Variants in GOLPH3 observed in about 807,000 individuals in gnomAD.
The protein encoded by GOLPH3 is coat protein GPP34.
GOLPH3 carries 14 observed loss-of-function variants against 28.5 expected under a neutral mutation model. That is an observed-to-expected ratio of 0.49 (90% CI 0.32 to 0.77). The LOEUF is 0.77. Ranked by LOEUF, GOLPH3 falls within the 30% of genes least tolerant of loss-of-function variation. GOLPH3 has a pLI of 0.03. For missense variants in GOLPH3, 350 were observed against 393.7 expected (o/e 0.89, Z 0.94); for synonymous variants, 158 against 159.2 (o/e 0.99, Z 0.06).
chr5:32,142,838 C>CT (rs1285395594), intron 2 of GOLPH3, among the ~76,000 whole-genome samples: 1 of 139,446 alleles, frequency 7.2e-6, no homozygotes, highest in East Asian at 2.9e-4. Flanking sequence ...GGGGGGTCAG[C>CT]CCCCCGCCCG....
intron 1 of GOLPH3, among the ~76,000 whole-genome samples, chr5:32,152,029 A>G (rs1263573444): frequency 6.6e-6 from 1 of 152,216 alleles, no homozygotes; most frequent in Non-Finnish European, 1.5e-5. Flanking sequence ...GGAGAGGGAT[A>G]GTGGTGATGA....
At chr5:32,138,263 T>G (rs1177327966) in intron 2 of GOLPH3, among the ~76,000 whole-genome samples, 1 of 152,174 alleles carries the variant, frequency 6.6e-6, no homozygotes, top group Non-Finnish European at 1.5e-5. Context: ...AAAGTGTCCT[T>G]TACTTTGTCA....
intron 1 of GOLPH3, among the ~76,000 whole-genome samples, chr5:32,156,776 G>C (rs1238394583): frequency 6.6e-6 from 1 of 152,204 alleles, no homozygotes; most frequent in East Asian, 1.9e-4. Flanking sequence ...CTGCTGATCT[G>C]ACAGGAGGCG....
intron 3 of GOLPH3, 82 bp downstream of exon 3, chr5:32,135,490 T>C: frequency 1.2e-6 from 1 of 819,184 alleles, no homozygotes; most frequent in South Asian, 1.6e-5. Flanking sequence ...CTGGCTATTT[T>C]GTGTAGGTTC....
At chr5:32,131,673 T>G (rs1321145438) in intron 3 of GOLPH3, among the ~76,000 whole-genome samples, 1 of 152,226 alleles carries the variant, frequency 6.6e-6, no homozygotes, top group Non-Finnish European at 1.5e-5. Context: ...TATTCATAGT[T>G]TACTTTTTTT....
At position 32,136,948 on chromosome 5, in the gene GOLPH3, G is replaced by A. The variant is rs570407457; in HGVS notation, c.358-1262C>T. 9.5e-4 allele frequency among the ~76,000 whole-genome samples: 144 copies of A among 152,118 alleles called. 1 individual carries two copies. Among genetic ancestry groups the A allele is most frequent in the South Asian group, 5.6e-3 (27 of 4,816 alleles). ...CTAACAAATTATAGAGGTAAGAAAG[G>A]TTTCTTGGTTTCTTTTTTTTCTTTT... is the stretch of plus-strand genomic sequence containing the variant. On this transcript the variant is annotated intron_variant, in intron 2 of 3. Transcript: ENST00000265070.
intron 1 of GOLPH3, among the ~76,000 whole-genome samples, chr5:32,160,869 C>G (rs1746555416): frequency 6.6e-6 from 1 of 151,686 alleles, no homozygotes; most frequent in Admixed American, 6.6e-5. Flanking sequence ...AGATCGAGAC[C>G]ATCCTGGCTA....
At chr5:32,164,898 TTC>T (rs1453832764) in intron 1 of GOLPH3, among the ~76,000 whole-genome samples, 30 of 140,278 alleles carry the variant, frequency 2.1e-4, no homozygotes, top group Admixed American at 6.9e-4. Flanking sequence ...AAATTATGTA[TTC>T]TTTTTTTTTT....
rs13181965 is a variant in GOLPH3, at chr5:32,125,736, G to T, written c.*476C>A. On this transcript the variant is annotated 3_prime_UTR_variant, in exon 4 of 4. Transcript: ENST00000265070. The stretch of plus-strand genomic sequence containing the variant: ...TTCAATTTAAAAATAATTTTGCTAA[G>T]TATACATCTCAACTGAAGTCTATGT... 3,877 of 153,902 alleles carry T rather than the reference G, an allele frequency of 0.025. 33 individuals are homozygous for T. Among genetic ancestry groups the T allele is most frequent in the Non-Finnish European group, 0.038 (2,608 of 68,846 alleles). 9.5% of individuals were successfully genotyped at this position (153,902 alleles called of 1,614,324 possible).
At chr5:32,151,475 A>T (rs1025980117) in intron 1 of GOLPH3, among the ~76,000 whole-genome samples, 3 of 152,176 alleles carry the variant, frequency 2.0e-5, no homozygotes, top group Non-Finnish European at 2.9e-5. Flanking sequence ...GCACTTACGC[A>T]CTCTAACCGG....
intron 1 of GOLPH3, among the ~76,000 whole-genome samples, chr5:32,164,174 T>C (rs758857737): frequency 6.6e-6 from 1 of 152,186 alleles, no homozygotes; most frequent in Non-Finnish European, 1.5e-5. Context: ...AAAATTCCTA[T>C]CAGAGAAAAA....
At chr5:32,127,291 T>A (rs1246078347) in intron 3 of GOLPH3, among the ~76,000 whole-genome samples, 1 of 152,238 alleles carries the variant, frequency 6.6e-6, no homozygotes, top group Admixed American at 6.5e-5. Flanking sequence ...TAATCTTACT[T>A]ATCTTTGGGA....
At chr5:32,129,115 G>A (rs1745766643) in intron 3 of GOLPH3, among the ~76,000 whole-genome samples, 1 of 152,172 alleles carries the variant, frequency 6.6e-6, no homozygotes, top group Non-Finnish European at 1.5e-5. Context: ...CCGGGAGGCG[G>A]AGGTTGCAGT....
intron 1 of GOLPH3, among the ~76,000 whole-genome samples, chr5:32,165,107 C>T (rs1426442467): frequency 3.3e-5 from 5 of 151,552 alleles, no homozygotes; most frequent in Non-Finnish European, 7.4e-5. Flanking sequence ...ACCATGTTGG[C>T]CAGGCTGGTC....
intron 1 of GOLPH3, among the ~76,000 whole-genome samples, chr5:32,170,156 G>A (rs1264163039): frequency 1.3e-5 from 2 of 152,094 alleles, no homozygotes; most frequent in African/African-American, 4.8e-5. Context: ...AAGACAATAA[G>A]AACAAAGGAC....
At chr5:32,134,853 T>C (rs1372946343) in intron 3 of GOLPH3, 1 of 149,862 alleles carries the variant, frequency 6.7e-6, no homozygotes, top group African/African-American at 2.6e-5. Flanking sequence ...AAAAAACCTC[T>C]TTTACTGACA....
chr5:32,152,505 G>A (rs1162015560), intron 1 of GOLPH3, among the ~76,000 whole-genome samples: 3 of 146,832 alleles, frequency 2.0e-5, no homozygotes, highest in East Asian at 2.1e-4. Flanking sequence ...AAGCTTGGCC[G>A]GGTGCAGTGG....
At chr5:32,143,993 GTCTT>G (rs1262439735) in intron 1 of GOLPH3, 113 bp from the exon 2 acceptor site, 1 of 613,020 alleles carries the variant, frequency 1.6e-6, no homozygotes. Context: ...TACCTTTCCT[GTCTT>G]TCTATAATAA....
chr5:32,172,568 G>A (rs1013436964), intron 1 of GOLPH3, among the ~76,000 whole-genome samples: 1 of 152,102 alleles, frequency 6.6e-6, no homozygotes, highest in Non-Finnish European at 1.5e-5. Context: ...GGCGGCGCAC[G>A]TCTGTAGTCC....
Sources: allele counts gnomAD v4.1 joint callset (sites outside exome capture counted in the v4.1 genomes callset), GRCh38; gene constraint gnomAD v4.1.1; transcripts MANE v1.5; gene names NCBI Gene and HGNC (gene_info 2026-07-23, HGNC 2026-07-21).